Variants in STXBP6 observed in about 807,000 individuals in gnomAD.
The protein encoded by STXBP6 is syntaxin binding protein 6.
A neutral mutation model predicts 26.9 loss-of-function variants in STXBP6; 21 were observed. The observed-to-expected ratio is 0.78, with a 90% CI of 0.55 to 1.12. STXBP6 has a LOEUF of 1.12. Ranked by LOEUF, STXBP6 falls within the 50% of genes most tolerant of loss-of-function variation. STXBP6 has a pLI of 0.00. For synonymous variants in STXBP6, 97 were observed against 92.6 expected, an observed-to-expected ratio of 1.05 and a Z score of -0.27; for missense variants, 232 against 257.9, an observed-to-expected ratio of 0.90 and a Z score of 0.69.
At chr14:25,003,394 A>T (rs1456760709) in intron 1 of STXBP6, among the ~76,000 whole-genome samples, 1 of 152,196 alleles carries the variant, frequency 6.6e-6, no homozygotes, top group Non-Finnish European at 1.5e-5. Flanking sequence ...TTTAGGAAGA[A>T]GCATAACAAG....
At chr14:25,036,210 CCAT>C (rs1300279357) in intron 1 of STXBP6, among the ~76,000 whole-genome samples, 5 of 105,718 alleles carry the variant, frequency 4.7e-5, no homozygotes, top group Non-Finnish European at 7.0e-5. Flanking sequence ...GAGCAAGACT[CCAT>C]CAAAAAAAAA....
At chr14:24,826,837 T>C (rs933748175) in intron 4 of STXBP6, among the ~76,000 whole-genome samples, 2 of 152,226 alleles carry the variant, frequency 1.3e-5, no homozygotes, top group Non-Finnish European at 2.9e-5. Context: ...ATCAACTATG[T>C]GGCCTCAGAT....
chr14:25,012,551 G>T (rs2075054566), intron 1 of STXBP6, among the ~76,000 whole-genome samples: 1 of 152,144 alleles, frequency 6.6e-6, no homozygotes, highest in East Asian at 1.9e-4. Context: ...AGTGAGCTGA[G>T]ATTGCACCAC....
intron 1 of STXBP6, among the ~76,000 whole-genome samples, chr14:24,996,128 A>G (rs939518278): frequency 6.6e-6 from 1 of 152,208 alleles, no homozygotes; most frequent in South Asian, 2.1e-4. Context: ...GTAGTTTTAT[A>G]ACTTCATGGG....
At chr14:25,041,047 C>A (rs753576928) in intron 1 of STXBP6, among the ~76,000 whole-genome samples, 7 of 152,248 alleles carry the variant, frequency 4.6e-5, no homozygotes, top group Non-Finnish European at 7.4e-5. Context: ...CGGGGCCAGG[C>A]GCGGTGGCTC....
At chr14:24,943,707 T>C (rs940616313) in intron 2 of STXBP6, among the ~76,000 whole-genome samples, 3 of 152,234 alleles carry the variant, frequency 2.0e-5, no homozygotes, top group Non-Finnish European at 4.4e-5. Context: ...TGTACTGCTA[T>C]GTAATTGGAT....
intron 2 of STXBP6, among the ~76,000 whole-genome samples, chr14:24,881,666 G>A (rs1011938708): frequency 6.6e-6 from 1 of 152,178 alleles, no homozygotes; most frequent in Non-Finnish European, 1.5e-5. Context: ...ATCACATGAG[G>A]ACTGTTCCTA....
chr14:25,030,763 C>G (rs977810242), intron 1 of STXBP6, among the ~76,000 whole-genome samples: 6 of 152,084 alleles, frequency 3.9e-5, no homozygotes, highest in Non-Finnish European at 7.4e-5. Context: ...GAAATTGCTA[C>G]GGCCTGGCTT....
intron 1 of STXBP6, among the ~76,000 whole-genome samples, chr14:25,026,870 C>CA (rs994789308): frequency 2.0e-5 from 3 of 150,674 alleles, no homozygotes; most frequent in South Asian, 2.1e-4. Flanking sequence ...ACCATTAAAA[C>CA]AAAAAAAAAG....
intron 4 of STXBP6, among the ~76,000 whole-genome samples, chr14:24,829,863 G>GT (rs1187734339): frequency 1.3e-5 from 2 of 152,044 alleles, no homozygotes; most frequent in African/African-American, 4.8e-5. Context: ...ATGTGTAGGG[G>GT]TGTGTATGTG....
chr14:24,848,774 GTCCTTAGTTACT>G (rs1430618462), intron 4 of STXBP6, among the ~76,000 whole-genome samples: 1 of 152,086 alleles, frequency 6.6e-6, no homozygotes, highest in Non-Finnish European at 1.5e-5. Context: ...TAAGGAAGTA[GTCCTTAGTTACT>G]TCTAATTTTT....
intron 2 of STXBP6, among the ~76,000 whole-genome samples, chr14:24,939,072 T>G (rs76141131): frequency 0.017 from 2,514 of 152,322 alleles, 36 homozygotes; most frequent in Non-Finnish European, 0.027. Flanking sequence ...CAGAATTCAA[T>G]GAAAAGAAAT....
At chr14:24,842,634 T>C (rs2068818056) in intron 4 of STXBP6, among the ~76,000 whole-genome samples, 1 of 152,028 alleles carries the variant, frequency 6.6e-6, no homozygotes, top group African/African-American at 2.4e-5. Flanking sequence ...AATTCTACAT[T>C]GCCCAGCAAA....
chr14:25,010,289 G>A (rs1015658337), intron 1 of STXBP6, among the ~76,000 whole-genome samples: 2 of 152,282 alleles, frequency 1.3e-5, no homozygotes, highest in South Asian at 2.1e-4. Context: ...ATGTTTCCAC[G>A]TTAATAAAAC....
chr14:24,971,171 T>A (rs2073895032), intron 2 of STXBP6, among the ~76,000 whole-genome samples: 1 of 152,126 alleles, frequency 6.6e-6, no homozygotes, highest in Admixed American at 6.5e-5. Context: ...GCTCTGAAAA[T>A]AGTAAGTCTT....
intron 2 of STXBP6, among the ~76,000 whole-genome samples, chr14:24,965,097 T>C (rs1204239789): frequency 2.0e-5 from 3 of 152,136 alleles, no homozygotes; most frequent in African/African-American, 7.2e-5. Context: ...AAAAACAATG[T>C]TGGAATCTAG....
At chr14:25,041,624 C>T (rs1412128189) in intron 1 of STXBP6, among the ~76,000 whole-genome samples, 1 of 97,470 alleles carries the variant, frequency 1.0e-5, no homozygotes, top group Non-Finnish European at 1.9e-5. Context: ...TCTGACCAAG[C>T]TTAGTCACCA....
At chr14:24,870,892 A>T (rs1011088002) in intron 2 of STXBP6, among the ~76,000 whole-genome samples, 1 of 152,206 alleles carries the variant, frequency 6.6e-6, no homozygotes, top group African/African-American at 2.4e-5. Context: ...ACAAGTTCAC[A>T]TTCAGAGTTG....
chr14:24,916,487 C>T (rs1163583750), intron 2 of STXBP6, among the ~76,000 whole-genome samples: 2 of 152,030 alleles, frequency 1.3e-5, no homozygotes, highest in African/African-American at 4.8e-5. Context: ...TGCAGGTTAT[C>T]CTAAGGGGAG....
Sources: allele counts gnomAD v4.1 joint callset (sites outside exome capture counted in the v4.1 genomes callset), GRCh38; gene constraint gnomAD v4.1.1; transcripts MANE v1.5; gene names NCBI Gene and HGNC (gene_info 2026-07-23, HGNC 2026-07-21).